The following SVEP1 variants were observed in gnomAD, a reference collection of about 807,000 sequenced individuals.
The protein encoded by SVEP1 is sushi, von Willebrand factor type A, EGF and pentraxin domain-containing protein 1.
SVEP1 carries 164 observed loss-of-function variants against 367.3 expected under a neutral mutation model. The observed-to-expected ratio is 0.45, with a 90% confidence interval of 0.39 to 0.51. The LOEUF is 0.51. SVEP1 is among the 20% of genes least tolerant of loss of function. SVEP1 has a pLI of 0.00. For synonymous variants in SVEP1, 1,666 were observed against 1,611.6 expected, an observed-to-expected ratio of 1.03 and a Z score of -0.81; for missense variants, 4,117 against 4,425.3, an observed-to-expected ratio of 0.93 and a Z score of 1.98.
intron 13 of SVEP1, among the ~76,000 whole-genome samples, chr9:110,477,011 A>G (rs1228227741): frequency 6.6e-6 from 1 of 152,026 alleles, no homozygotes; most frequent in Non-Finnish European, 1.5e-5. Context: ...TTCCAAGAAC[A>G]TTTGGTAACT....
At chr9:110,414,757 T>G (rs1367845020) in intron 36 of SVEP1, among the ~76,000 whole-genome samples, 1 of 151,902 alleles carries the variant, frequency 6.6e-6, no homozygotes, top group East Asian at 1.9e-4. Flanking sequence ...TCTTCTGTCT[T>G]AGCAAAAAAG....
Position 110,446,052 on chromosome 9 carries a change from G to C in SVEP1, c.4262-14C>G, listed in dbSNP as rs762541131. The C allele has an allele frequency of 6.3e-7, 1 of 1,595,428 alleles. No homozygotes were observed. Among genetic ancestry groups the C allele is most frequent in the Admixed American group, 1.8e-5 (1 of 56,400 alleles). ...CTGTAGACTGTTCTGCAATGAATAA[G>C]AAAAGTGTGCAGACTGTGGCACTTG... is the stretch of plus-strand genomic sequence containing the variant. On this transcript the variant is annotated splice_polypyrimidine_tract_variant and intron_variant, in intron 25 of 47. Transcript: ENST00000374469.
chr9:110,458,571 T>A lies in SVEP1; in HGVS notation c.3485-9A>T, dbSNP rs201423645. 3.7e-6 allele frequency: 6 copies of A among 1,603,826 alleles called. No homozygotes were observed. The highest frequency in any genetic ancestry group is 5.1e-6 in the Non-Finnish European group (6 of 1,174,980). On this transcript the variant is annotated splice_polypyrimidine_tract_variant and intron_variant, in intron 19 of 47. Coordinates refer to ENST00000374469, the MANE Select transcript of SVEP1 (RefSeq NM_153366.4). ...GAAAGTTGAACTAAAACCTAATCAA[T>A]TAATAGAAAAACATGTCAGTGTGGC...
rs943785304 is a variant in SVEP1, at chr9:110,434,582, G to C, written c.4889-76C>G. 4.7e-6 allele frequency: 6 copies of C among 1,273,160 alleles called. No individual in the cohort carries two copies. In the African/African-American group the frequency reaches 9.4e-5, roughly 20 times the overall value. 78.9% of individuals were successfully genotyped at this position (1,273,160 alleles called of 1,614,324 possible). On this transcript the variant is annotated intron_variant, in intron 29 of 47. Transcript: ENST00000374469. ...ATCACCAAGTCAATGATTTCAAACT[G>C]TATTCTGTATCAGCATTTGAGAGCC...
chr9:110,443,858 T>TC (rs372357470), intron 26 of SVEP1, 138 bp from the exon 27 acceptor site: 337 of 660,986 alleles, frequency 5.1e-4, no homozygotes, highest in Non-Finnish European at 6.7e-4. Flanking sequence ...TCTTTTTTTT[T>TC]CTCCATTTGG....
chr9:110,464,207 G>C lies in SVEP1; in HGVS notation c.3322+1658C>G, dbSNP rs79020012. 7.2e-3 allele frequency among the ~76,000 whole-genome samples: 1,093 copies of C among 152,274 alleles called. 4 individuals are homozygous for C. The highest frequency in any genetic ancestry group is 0.012 in the Non-Finnish European group (801 of 67,998). On this transcript the variant is annotated intron_variant, in intron 18 of 47. Coordinates refer to ENST00000374469, the MANE Select transcript of SVEP1 (RefSeq NM_153366.4). ...TATTTCAATCAGAATGTGAAGGCTT[G>C]TGAGACTTTTAATTAAAAGATCCAA...
At chr9:110,536,739 C>T (rs577658898) in intron 3 of SVEP1, among the ~76,000 whole-genome samples, 14 of 151,954 alleles carry the variant, frequency 9.2e-5, no homozygotes, top group African/African-American at 3.4e-4. Context: ...GGTACATGTG[C>T]ATAACGTGTA....
intron 1 of SVEP1, among the ~76,000 whole-genome samples, chr9:110,578,607 G>A (rs1157752394): frequency 6.6e-6 from 1 of 152,150 alleles, no homozygotes; most frequent in African/African-American, 2.4e-5. Context: ...TACATTGAAA[G>A]CATAACATAA....
At chr9:110,570,942 G>C (rs1393136759) in intron 1 of SVEP1, among the ~76,000 whole-genome samples, 9 of 147,888 alleles carry the variant, frequency 6.1e-5, no homozygotes, top group Non-Finnish European at 4.5e-5. Context: ...CATCTCCCTG[G>C]TTAGACATAT....
At position 110,407,666 on chromosome 9, in the gene SVEP1, T is replaced by C; in HGVS notation, c.7934A>G (p.Tyr2645Cys). 2 of 1,614,044 alleles carry C rather than the reference T, an allele frequency of 1.2e-6. No homozygotes were observed. Among genetic ancestry groups the C allele is most frequent in the Non-Finnish European group, 1.7e-6 (2 of 1,179,902 alleles). ...ATGATAAGGAGGGTGAGGAGTCACA[T>C]ATGGAACTTCCATCATGTCGTCTTC... ...EQEDDMMEVP[Y>C]VTPHPPYHLG... The change falls in exon 38 of 48, where the codon TAT (tyrosine) becomes TGT (cysteine). Residue 2645 changes from tyrosine to cysteine, a missense_variant. Coordinates refer to ENST00000374469, the MANE Select transcript of SVEP1 (RefSeq NM_153366.4).
At chr9:110,409,827 CAT>C (rs1828018560) in intron 37 of SVEP1, among the ~76,000 whole-genome samples, 1 of 152,120 alleles carries the variant, frequency 6.6e-6, no homozygotes. Context: ...AATTCAAACA[CAT>C]GTAATATAAC....
At chr9:110,546,071 T>C in intron 3 of SVEP1, 44 bp downstream of exon 3, 8 of 1,543,728 alleles carry the variant, frequency 5.2e-6, no homozygotes, top group Non-Finnish European at 7.0e-6. Flanking sequence ...GAATCATTTG[T>C]TACACAGCAA....
In SVEP1 at chr9:110,579,124, G is replaced by T; in HGVS notation, c.420C>A (p.Ile140=). The part of the protein sequence containing the change: ...KNYVVPRVDY[I]STRRARQHKC... ...TGTGCTGGCGCGCGCGGCGGGTGGA[G>T]ATGTAATCGACGCGCGGCACCACGT... The change falls in exon 1 of 48, where the codon ATC becomes ATA. Residue 140 remains isoleucine, a synonymous_variant. Transcript: ENST00000374469. This position sits in a 1 kb window ranked among gnomAD's most constrained non-coding sequence, Gnocchi z 5.3. 6.4e-7 allele frequency: 1 copy of T among 1,554,150 alleles called. No homozygotes were observed. Among genetic ancestry groups the T allele is most frequent in the South Asian group, 1.2e-5 (1 of 84,220 alleles).
intron 3 of SVEP1, among the ~76,000 whole-genome samples, chr9:110,531,728 T>C (rs1339765813): frequency 1.3e-5 from 2 of 152,182 alleles, no homozygotes; most frequent in East Asian, 3.8e-4. Context: ...AATGGATTTG[T>C]TAAATAGCTC....
intron 17 of SVEP1, among the ~76,000 whole-genome samples, chr9:110,468,625 G>C (rs1423906227): frequency 6.6e-6 from 1 of 152,188 alleles, no homozygotes; most frequent in African/African-American, 2.4e-5. Flanking sequence ...ATACATTGAA[G>C]AATCTGAACA....
intron 2 of SVEP1, among the ~76,000 whole-genome samples, chr9:110,548,406 C>G (rs995429917): frequency 6.6e-6 from 1 of 152,072 alleles, no homozygotes; most frequent in Non-Finnish European, 1.5e-5. Context: ...CTGAGTATAA[C>G]AAGCCATCAG....
At position 110,540,570 on chromosome 9, in the gene SVEP1, T is replaced by C. The variant is rs146677905; in HGVS notation, c.964+5545A>G. On this transcript the variant is annotated intron_variant, in intron 3 of 47. Coordinates refer to ENST00000374469, the MANE Select transcript of SVEP1 (RefSeq NM_153366.4). ...CCATTTCTGGTTTCTTAAGGAGTAATGTAACATCAAGAGAAAAGAACAAGA... is the reference window on the plus strand; with the variant it reads ...CCATTTCTGGTTTCTTAAGGAGTAACGTAACATCAAGAGAAAAGAACAAGA... Among the ~76,000 whole-genome samples, 6 of 152,222 alleles carry C rather than the reference T, an allele frequency of 3.9e-5. No homozygotes were observed. The East Asian group carries it at 1.2e-3, about 29-fold the overall frequency.
intron 40 of SVEP1, among the ~76,000 whole-genome samples, chr9:110,393,489 G>C (rs1056071749): frequency 6.6e-6 from 1 of 152,174 alleles, no homozygotes; most frequent in Non-Finnish European, 1.5e-5. Flanking sequence ...CTGAGGTACC[G>C]GGTTCATCTC....
chr9:110,533,153 C>G (rs1830041024), intron 3 of SVEP1, among the ~76,000 whole-genome samples: 2 of 152,150 alleles, frequency 1.3e-5, no homozygotes, highest in African/African-American at 2.4e-5. Flanking sequence ...CGCTCACCTC[C>G]TGCTATGCAG....
Sources: allele counts gnomAD v4.1 joint callset (sites outside exome capture counted in the v4.1 genomes callset), GRCh38; gene constraint gnomAD v4.1.1; non-coding constraint Gnocchi (gnomAD v3.1); transcripts MANE v1.5; gene names NCBI Gene and HGNC (gene_info 2026-07-23, HGNC 2026-07-21).